Variants in WBP1L observed in about 807,000 individuals in gnomAD.
WBP1L encodes WW domain binding protein 1 like, also known as WW domain binding protein 1-like.
Under a neutral mutation model 33.7 loss-of-function variants are expected in WBP1L, and 17 were observed. The ratio of observed to expected loss-of-function variants is 0.50; its 90% CI spans 0.34 to 0.76. The LOEUF is 0.76. Among genes scored for constraint, WBP1L ranks in the 30% least tolerant of loss-of-function variants. WBP1L has a pLI of 0.01. For synonymous variants in WBP1L, 173 were observed against 190.8 expected (o/e 0.91, Z 0.77); for missense variants, 389 against 469.4 (o/e 0.83, Z 1.58).
chr10:102,815,412 C>T lies in WBP1L; in HGVS notation c.*2081C>T, dbSNP rs757178020. On this transcript the variant is annotated 3_prime_UTR_variant, in exon 4 of 4. Coordinates refer to ENST00000448841, the MANE Select transcript of WBP1L (RefSeq NM_001083913.2). Reference sequence around the variant, plus strand: ...TACCAGCGCCCGGGGGTGTCCACAACCACTTGGGACAGAAGAAGGTGGAAT... The same window carrying T: ...TACCAGCGCCCGGGGGTGTCCACAATCACTTGGGACAGAAGAAGGTGGAAT... 6.6e-6 allele frequency: 1 copy of T among 152,618 alleles called. No individual in the cohort carries two copies. The highest frequency in any genetic ancestry group is 2.4e-5 in the African/African-American group (1 of 41,444). 9.5% of individuals were successfully genotyped at this position (152,618 alleles called of 1,614,324 possible). A position where few individuals can be genotyped will look rare whatever the true frequency, so the allele number is the denominator to read the frequency against.
intron 1 of WBP1L, among the ~76,000 whole-genome samples, chr10:102,775,655 G>A (rs1365764490): frequency 3.3e-5 from 5 of 152,128 alleles, no homozygotes; most frequent in African/African-American, 9.7e-5. Context: ...GTAGCGTGTC[G>A]TACCTTAGCT....
intron 3 of WBP1L, 22 bp from the exon 4 acceptor site, chr10:102,812,573 C>A (rs764983837): frequency 1.3e-6 from 2 of 1,549,704 alleles, no homozygotes; most frequent in East Asian, 4.5e-5. Context: ...AGTAATTTCT[C>A]CTTCCTACCT....
chr10:102,810,487 TTCCC>T (rs1310910217), intron 3 of WBP1L, among the ~76,000 whole-genome samples: 1 of 34,534 alleles, frequency 2.9e-5, no homozygotes, highest in Non-Finnish European at 7.0e-5. Context: ...CCTTCCTTCC[TTCCC>T]TCCTTCCTTC....
Position 102,747,313 on chromosome 10 carries a change from T to C in WBP1L, c.90+3170T>C, listed in dbSNP as rs945539533. ...AGGTAGAGGTTGTGGTGAGCCAAGA[T>C]CATGCCACTGCACTCTAGCCTGGTG... On this transcript the variant is annotated intron_variant, in intron 1 of 3. Coordinates refer to ENST00000448841, the MANE Select transcript of WBP1L (RefSeq NM_001083913.2). Among the ~76,000 whole-genome samples the C allele has an allele frequency of 4.5e-5, 6 of 132,288 alleles. 1 individual carries two copies. Among genetic ancestry groups the C allele is most frequent in the Non-Finnish European group, 6.1e-5 (4 of 65,812 alleles). 86.8% of individuals were successfully genotyped at this position (132,288 alleles called of 152,430 possible). A position where few individuals can be genotyped will look rare whatever the true frequency, so the allele number is the denominator to read the frequency against.
At chr10:102,789,668 A>G (rs980312308) in intron 1 of WBP1L, among the ~76,000 whole-genome samples, 1 of 151,998 alleles carries the variant, frequency 6.6e-6, no homozygotes, top group African/African-American at 2.4e-5. Flanking sequence ...CATATTTAAA[A>G]ATCTTTTTGC....
chr10:102,814,829 T>C lies in WBP1L; in HGVS notation c.*1498T>C, dbSNP rs1377563283. 1.3e-5 allele frequency: 2 copies of C among 152,452 alleles called. No homozygotes were observed. The highest frequency in any genetic ancestry group is 4.8e-5 in the African/African-American group (2 of 41,378). 9.4% of individuals were successfully genotyped at this position (152,452 alleles called of 1,614,324 possible). On this transcript the variant is annotated 3_prime_UTR_variant, in exon 4 of 4. Transcript: ENST00000448841. ...CTTTCTTCCCCCAACTCTTGAACGA[T>C]GATGATATTCAGACGAAGCATTGAT...
intron 1 of WBP1L, among the ~76,000 whole-genome samples, chr10:102,764,428 A>G (rs1285753634): frequency 6.6e-6 from 1 of 151,622 alleles, no homozygotes; most frequent in Non-Finnish European, 1.5e-5. Context: ...CATGATTTAG[A>G]CTCTGGATGA....
chr10:102,744,111 A>G lies in WBP1L; in HGVS notation c.58A>G (p.Ser20Gly). ...MALLLLQALPSPLSARAEPPQ... is the reference protein window; with the variant it reads ...MALLLLQALPGPLSARAEPPQ... ...GCTCCTGCTCCTCCAGGCGCTGCCC[A>G]GCCCCTTGTCAGCCAGGGCTGAACC... Residue 20 changes from serine (S) to glycine (G), a missense_variant, in exon 1 of 4, where the codon AGC (serine) becomes GGC (glycine). Coordinates refer to ENST00000448841, the MANE Select transcript of WBP1L (RefSeq NM_001083913.2). The G allele has an allele frequency of 6.4e-7, 1 of 1,553,044 alleles. No individual in the cohort carries two copies. The highest frequency in any genetic ancestry group is 8.7e-7 in the Non-Finnish European group (1 of 1,148,256).
chr10:102,753,513 G>A (rs1322262367), intron 1 of WBP1L, among the ~76,000 whole-genome samples: 1 of 152,218 alleles, frequency 6.6e-6, no homozygotes, highest in East Asian at 1.9e-4. Context: ...TGGGGATTAA[G>A]TAGGTCATCC....
At chr10:102,745,307 T>C (rs1842852847) in intron 1 of WBP1L, among the ~76,000 whole-genome samples, 2 of 152,194 alleles carry the variant, frequency 1.3e-5, no homozygotes, top group Non-Finnish European at 2.9e-5. Flanking sequence ...AAAAAATAAG[T>C]TGAAATTCAC....
At chr10:102,795,443 C>T (rs1366921604) in intron 1 of WBP1L, among the ~76,000 whole-genome samples, 1 of 152,212 alleles carries the variant, frequency 6.6e-6, no homozygotes, top group Admixed American at 6.5e-5. Context: ...CCTGGGAAAG[C>T]GGAGGCAGAA....
intron 1 of WBP1L, among the ~76,000 whole-genome samples, chr10:102,754,789 C>T (rs533341776): frequency 3.9e-5 from 6 of 152,150 alleles, no homozygotes; most frequent in South Asian, 2.1e-4. Context: ...ACTGCAGCTT[C>T]GAACTCCTGG....
At chr10:102,799,572 G>A (rs1268519753) in intron 2 of WBP1L, among the ~76,000 whole-genome samples, 1 of 152,086 alleles carries the variant, frequency 6.6e-6, no homozygotes, top group African/African-American at 2.4e-5. Flanking sequence ...TTAGGACAGC[G>A]AGGCCCCAGG....
intron 2 of WBP1L, 66 bp from the exon 3 acceptor site, chr10:102,809,827 C>A: frequency 6.5e-7 from 1 of 1,536,548 alleles, no homozygotes; most frequent in South Asian, 1.2e-5. Flanking sequence ...CCTCCCTGTT[C>A]CGCAAGCTGC....
intron 1 of WBP1L, among the ~76,000 whole-genome samples, chr10:102,747,252 C>T (rs994930150): frequency 6.7e-6 from 1 of 149,962 alleles, no homozygotes; most frequent in Middle Eastern, 3.5e-3. Context: ...CTCAGCTACT[C>T]GGGAGGCTGA....
At chr10:102,773,200 G>A (rs1843215528) in intron 1 of WBP1L, among the ~76,000 whole-genome samples, 1 of 152,158 alleles carries the variant, frequency 6.6e-6, no homozygotes, top group Non-Finnish European at 1.5e-5. Context: ...TCCTGGGAAT[G>A]CCTGAATTTG....
intron 1 of WBP1L, among the ~76,000 whole-genome samples, chr10:102,775,882 A>T (rs1462753784): frequency 6.6e-6 from 1 of 152,188 alleles, no homozygotes; most frequent in African/African-American, 2.4e-5. Context: ...GTCCTTATTC[A>T]GAGCAGTGTT....
At chr10:102,750,661 C>G (rs1461430683) in intron 1 of WBP1L, among the ~76,000 whole-genome samples, 1 of 151,994 alleles carries the variant, frequency 6.6e-6, no homozygotes, top group Non-Finnish European at 1.5e-5. Context: ...ACCACCACAC[C>G]TGGCTAATTT....
intron 3 of WBP1L, among the ~76,000 whole-genome samples, chr10:102,810,739 G>C (rs1397940181): frequency 1.3e-5 from 2 of 151,414 alleles, no homozygotes; most frequent in Non-Finnish European, 2.9e-5. Context: ...GCTAATTTTT[G>C]TGTTTTTAGT....
Sources: allele counts gnomAD v4.1 joint callset (sites outside exome capture counted in the v4.1 genomes callset), GRCh38; gene constraint gnomAD v4.1.1; transcripts MANE v1.5; gene names NCBI Gene and HGNC (gene_info 2026-07-23, HGNC 2026-07-21).